The following RBFOX1 variants were observed in gnomAD, a reference collection of about 807,000 sequenced individuals.
The protein encoded by RBFOX1 is RNA binding protein fox-1 homolog 1.
RBFOX1 carries 8 observed loss-of-function variants against 57.7 expected under a neutral mutation model. That is an observed-to-expected ratio of 0.14 (90% confidence interval 0.08 to 0.25). The LOEUF (loss-of-function observed/expected upper bound fraction) is 0.25. Among genes scored for constraint, RBFOX1 ranks in the 10% least tolerant of loss-of-function variants. The pLI, the probability that RBFOX1 is intolerant of heterozygous loss-of-function variation, is 1.00. For synonymous variants in RBFOX1, 326 were observed against 222.4 expected (o/e 1.47, Z -4.15); for missense variants, 611 against 548.5 (o/e 1.11, Z -1.14).
intron 1 of RBFOX1, among the ~76,000 whole-genome samples, chr16:5,377,294 G>C (rs995874536): frequency 6.6e-6 from 1 of 151,554 alleles, no homozygotes; most frequent in African/African-American, 2.5e-5. Flanking sequence ...GCAGGATGCG[G>C]AGGGGTAGAG....
chr16:5,829,548 G>C (rs1322395922), intron 3 of RBFOX1, among the ~76,000 whole-genome samples: 1 of 152,114 alleles, frequency 6.6e-6, no homozygotes, highest in Admixed American at 6.5e-5. Context: ...CTGCATATGA[G>C]GATTCTGGTG....
intron 4 of RBFOX1, among the ~76,000 whole-genome samples, chr16:7,431,498 C>T (rs2098679724): frequency 6.6e-6 from 1 of 152,130 alleles, no homozygotes; most frequent in South Asian, 2.1e-4. Flanking sequence ...ACTTTGGCCT[C>T]CCAAAGTGTG....
chr16:6,542,059 G>C (rs968807170), intron 2 of RBFOX1, among the ~76,000 whole-genome samples: 2 of 151,840 alleles, frequency 1.3e-5, no homozygotes, highest in Non-Finnish European at 2.9e-5. Flanking sequence ...CTCCCGAGTA[G>C]CTGGGACTAC....
At chr16:7,331,783 A>G (rs902112274) in intron 4 of RBFOX1, among the ~76,000 whole-genome samples, 3 of 152,176 alleles carry the variant, frequency 2.0e-5, no homozygotes, top group Non-Finnish European at 4.4e-5. Flanking sequence ...CCAAGTCAGT[A>G]TAATTCCAAT....
intron 4 of RBFOX1, among the ~76,000 whole-genome samples, chr16:7,318,106 G>C (rs1254181232): frequency 6.6e-6 from 1 of 151,976 alleles, no homozygotes; most frequent in Non-Finnish European, 1.5e-5. Context: ...GGTAGTGCTG[G>C]TGGTAGTGAC....
rs748697606 is a variant in RBFOX1, at chr16:7,611,866, G to A, written c.676+4528G>A. On this transcript the variant is annotated intron_variant, in intron 10 of 15. Transcript: ENST00000550418. ...AAAAATCTTTCTAAATGCTTATTCC[G>A]TGCCAGTCTTCAGAGCAGATACACA... 8.6e-5 allele frequency among the ~76,000 whole-genome samples: 13 copies of A among 152,004 alleles called. No individual in the cohort carries two copies. In the East Asian group the frequency reaches 9.7e-4, roughly 11 times the overall value.
At chr16:6,000,518 T>C (rs1054446317) in intron 4 of RBFOX1, among the ~76,000 whole-genome samples, 2 of 152,168 alleles carry the variant, frequency 1.3e-5, no homozygotes, top group African/African-American at 4.8e-5. Context: ...CACTCTCTTG[T>C]ACGCAAAATA....
At chr16:5,367,204 T>C (rs1400087622) in intron 1 of RBFOX1, among the ~76,000 whole-genome samples, 1 of 152,212 alleles carries the variant, frequency 6.6e-6, no homozygotes, top group Non-Finnish European at 1.5e-5. Context: ...CTCTTTAATC[T>C]TTCATGTGAA....
intron 1 of RBFOX1, among the ~76,000 whole-genome samples, chr16:6,087,073 A>G (rs937594951): frequency 6.6e-6 from 1 of 152,192 alleles, no homozygotes; most frequent in African/African-American, 2.4e-5. Context: ...AATGTCCCAA[A>G]AGGAAAAGAG....
At chr16:5,318,034 C>T (rs1254679324) in intron 1 of RBFOX1, among the ~76,000 whole-genome samples, 1 of 152,124 alleles carries the variant, frequency 6.6e-6, no homozygotes, top group African/African-American at 2.4e-5. Context: ...GAGCTGTGGG[C>T]CTTCAGCATG....
chr16:5,282,462 A>C (rs1168712896), intron 1 of RBFOX1, among the ~76,000 whole-genome samples: 1 of 152,216 alleles, frequency 6.6e-6, no homozygotes, highest in Non-Finnish European at 1.5e-5. Flanking sequence ...AGACAGGAAA[A>C]TGTGGGAAAA....
chr16:7,311,541 C>G (rs941872823), intron 4 of RBFOX1, among the ~76,000 whole-genome samples: 4 of 148,482 alleles, frequency 2.7e-5, no homozygotes, highest in African/African-American at 7.4e-5. Context: ...ACTAGATTCC[C>G]CTTATCAAAA....
At chr16:6,002,627 TTTC>T (rs1323683166) in intron 4 of RBFOX1, among the ~76,000 whole-genome samples, 1 of 152,192 alleles carries the variant, frequency 6.6e-6, no homozygotes, top group Middle Eastern at 3.2e-3. Context: ...TCTGTCACTC[TTTC>T]TTCTCCTACC....
At chr16:6,668,993 C>G (rs1440228593) in intron 3 of RBFOX1, among the ~76,000 whole-genome samples, 1 of 152,112 alleles carries the variant, frequency 6.6e-6, no homozygotes. Context: ...ATTTTTCTTT[C>G]TCTTCAGTTG....
chr16:6,055,228 G>A (rs1001702525), intron 1 of RBFOX1, among the ~76,000 whole-genome samples: 2 of 152,024 alleles, frequency 1.3e-5, no homozygotes, highest in Non-Finnish European at 2.9e-5. Context: ...CTCATTAAAC[G>A]AGTCATCTGT....
At chr16:5,904,207 C>G (rs953241971) in intron 4 of RBFOX1, among the ~76,000 whole-genome samples, 1 of 152,128 alleles carries the variant, frequency 6.6e-6, no homozygotes, top group African/African-American at 2.4e-5. Context: ...GCCCGCTCAT[C>G]TCGGCAAGCC....
In RBFOX1 at chr16:6,415,584, C is replaced by T. The variant is rs528687059; in HGVS notation, c.-64+98527C>T. Among the ~76,000 whole-genome samples the T allele has an allele frequency of 2.0e-5, 3 of 152,090 alleles. No homozygotes were observed. In the South Asian group the frequency reaches 6.2e-4, roughly 32 times the overall value. On this transcript the variant is annotated intron_variant, in intron 2 of 15. Transcript: ENST00000550418. ...GGCGTGGTGGCAGGCACCTGCAGTCCCAGCTACTGTGGAGGCTGAGACAGA... is the reference window on the plus strand; with the variant it reads ...GGCGTGGTGGCAGGCACCTGCAGTCTCAGCTACTGTGGAGGCTGAGACAGA...
chr16:5,374,289 T>C (rs2065933582), intron 1 of RBFOX1, among the ~76,000 whole-genome samples: 3 of 152,122 alleles, frequency 2.0e-5, no homozygotes, highest in Non-Finnish European at 4.4e-5. Context: ...CTAATAAAAG[T>C]GCTGTATGTG....
At chr16:6,341,677 C>A (rs2084601720) in intron 2 of RBFOX1, among the ~76,000 whole-genome samples, 1 of 151,842 alleles carries the variant, frequency 6.6e-6, no homozygotes, top group African/African-American at 2.4e-5. Context: ...TATAAACAAG[C>A]ATTGTACATA....
Sources: gnomAD v4.1 joint callset for allele counts (sites outside exome capture counted in the v4.1 genomes callset) on GRCh38, gnomAD v4.1.1 for gene constraint, MANE v1.5 for transcripts, NCBI Gene and HGNC (gene_info 2026-07-23, HGNC 2026-07-21) for gene names.